Variants in HKDC1 observed in about 807,000 individuals in gnomAD.
The protein encoded by HKDC1 is hexokinase domain containing 1, also known as hexokinase HKDC1.
In HKDC1, 66 loss-of-function variants were observed where a neutral mutation model predicts 96.6. The ratio of observed to expected loss-of-function variants is 0.68; its 90% CI spans 0.56 to 0.84. The LOEUF (loss-of-function observed/expected upper bound fraction) is 0.84. Ranked by LOEUF, HKDC1 falls within the 40% of genes least tolerant of loss-of-function variation. The pLI, the probability that HKDC1 is intolerant of heterozygous loss-of-function variation, is 0.00. For missense variants in HKDC1, 1,211 were observed against 1,208.1 expected (o/e 1.00, Z -0.04); for synonymous variants, 466 against 473.1 (o/e 0.98, Z 0.20).
At chr10:69,242,087 T>A (rs1320900741) in intron 6 of HKDC1, among the ~76,000 whole-genome samples, 1 of 152,210 alleles carries the variant, frequency 6.6e-6, no homozygotes, top group Admixed American at 6.5e-5. Context: ...CCTTTACCAC[T>A]CCTGGGGAAA....
intron 14 of HKDC1, among the ~76,000 whole-genome samples, chr10:69,258,090 G>A (rs1027760679): frequency 1.3e-5 from 2 of 152,160 alleles, no homozygotes; most frequent in Non-Finnish European, 2.9e-5. Flanking sequence ...GCAGCAGGTG[G>A]AACAAGGAGA....
chr10:69,257,459 C>A (rs749506218), intron 14 of HKDC1, 33 bp downstream of exon 14: 15 of 1,443,952 alleles, frequency 1.0e-5, no homozygotes, highest in Non-Finnish European at 9.8e-7. Flanking sequence ...TTGGCCTAAT[C>A]CCACTGTATC....
Position 69,265,830 on chromosome 10 carries a change from CA to C in HKDC1, c.2606+14del, listed in dbSNP as rs759086263. The C allele has an allele frequency of 2.1e-6, 3 of 1,444,160 alleles. No individual in the cohort carries two copies. The African/African-American group carries it at 4.2e-5, about 20-fold the overall frequency. The allele number at this position is 1,444,160 out of a possible 1,614,324, so 89.5% of individuals were successfully genotyped here. ...AAGCTGCACCCTCAGTGAGTGCCCACAAGAGGCGTGGCGGGTGGGGCTGGGG... is the reference window on the plus strand; with the variant it reads ...AAGCTGCACCCTCAGTGAGTGCCCACAGAGGCGTGGCGGGTGGGGCTGGGG... On this transcript the variant is annotated intron_variant, in intron 17 of 17. Transcript: ENST00000354624.
At chr10:69,224,027 A>G (rs1010913437) in intron 1 of HKDC1, among the ~76,000 whole-genome samples, 3 of 150,834 alleles carry the variant, frequency 2.0e-5, no homozygotes, top group Admixed American at 6.6e-5. Flanking sequence ...TGGATAACAT[A>G]GAGAGATCTG....
In HKDC1 at chr10:69,233,108, CCT is replaced by C. The variant is rs1843298706; in HGVS notation, c.471_472del (p.Cys158SerfsTer4). 6.2e-7 allele frequency: 1 copy of C among 1,614,054 alleles called. No homozygotes were observed. Among genetic ancestry groups the C allele is most frequent in the East Asian group, 2.2e-5 (1 of 44,884 alleles). On this transcript the variant is annotated frameshift_variant, in exon 4 of 18. Coordinates refer to ENST00000354624, the MANE Select transcript of HKDC1 (RefSeq NM_025130.4). LOFTEE classifies it high-confidence loss of function. The stretch of plus-strand genomic sequence containing the variant: ...CCCCTTGGCCTAACTTTTTCTTTCC[CCT>C]GTCGACAGACTAAACTGGAAGAGGT...
At chr10:69,241,784 C>A (rs1311183348) in intron 6 of HKDC1, among the ~76,000 whole-genome samples, 2 of 152,138 alleles carry the variant, frequency 1.3e-5, no homozygotes, top group Non-Finnish European at 2.9e-5. Flanking sequence ...CACGCCCGGC[C>A]GGATGTGCAT....
intron 9 of HKDC1, 103 bp downstream of exon 9, chr10:69,247,696 A>C: frequency 2.4e-6 from 2 of 832,720 alleles, no homozygotes; most frequent in Non-Finnish European, 3.8e-6. Context: ...GGAACCAACA[A>C]CCCCTCTTGT....
intron 12 of HKDC1, among the ~76,000 whole-genome samples, chr10:69,252,026 C>T (rs926608810): frequency 1.3e-5 from 2 of 152,170 alleles, no homozygotes; most frequent in Non-Finnish European, 2.9e-5. Flanking sequence ...TCTCATAGTG[C>T]TGGGATTACA....
chr10:69,223,993 G>T (rs1024433867), intron 1 of HKDC1, among the ~76,000 whole-genome samples: 3 of 151,294 alleles, frequency 2.0e-5, no homozygotes, highest in Non-Finnish European at 2.9e-5. Context: ...ATGATCACTT[G>T]CCTCCAGGAG....
intron 12 of HKDC1, among the ~76,000 whole-genome samples, chr10:69,254,550 G>A (rs988734919): frequency 6.6e-6 from 1 of 151,968 alleles, no homozygotes; most frequent in Non-Finnish European, 1.5e-5. Flanking sequence ...CTACTTATTG[G>A]CTGTGTGACC....
At chr10:69,235,977 C>T (rs75312013) in intron 4 of HKDC1, among the ~76,000 whole-genome samples, 2 of 152,124 alleles carry the variant, frequency 1.3e-5, no homozygotes, top group African/African-American at 4.8e-5. Context: ...TGCAGCTCAG[C>T]GAGGTTAAGA....
At chr10:69,231,195 C>G (rs1224853997) in intron 2 of HKDC1, among the ~76,000 whole-genome samples, 1 of 152,166 alleles carries the variant, frequency 6.6e-6, no homozygotes, top group South Asian at 2.1e-4. Flanking sequence ...AGTGCAGCAG[C>G]CTCTTCTTTT....
Position 69,265,590 on chromosome 10 carries a change from G to A in HKDC1, c.2378G>A (p.Arg793Gln), listed in dbSNP as rs939426664. 23 of 1,613,432 alleles carry A rather than the reference G, an allele frequency of 1.4e-5. No individual in the cohort carries two copies. Among genetic ancestry groups the A allele is most frequent in the Middle Eastern group, 1.6e-4 (1 of 6,078 alleles). The change falls in exon 17 of 18, where the codon CGG becomes CAG. Residue 793 changes from arginine (R) to glutamine (Q), a missense_variant. Transcript: ENST00000354624. Reference sequence around the variant, plus strand: ...CCCTGCTCTATTGCCTGCAGCGATCGGCTGGCCCTTCTCCAGGTCAGGAGG... The same window carrying A: ...CCCTGCTCTATTGCCTGCAGCGATCAGCTGGCCCTTCTCCAGGTCAGGAGG... ...TKFLSQIESD[R>Q]LALLQVRRIL...
intron 1 of HKDC1, among the ~76,000 whole-genome samples, chr10:69,225,254 C>G (rs1843136734): frequency 1.3e-5 from 2 of 152,274 alleles, no homozygotes; most frequent in South Asian, 4.1e-4. Context: ...TCAGTAGGTT[C>G]AGGGGCACTG....
intron 1 of HKDC1, among the ~76,000 whole-genome samples, 192 bp downstream of exon 1, chr10:69,220,690 C>A (rs751236368): frequency 5.9e-5 from 9 of 152,154 alleles, no homozygotes; most frequent in Non-Finnish European, 8.8e-5. Flanking sequence ...GCATTACTGT[C>A]CTGAACCTTA....
chr10:69,231,661 G>A (rs756585022), intron 2 of HKDC1, among the ~76,000 whole-genome samples: 2 of 152,048 alleles, frequency 1.3e-5, no homozygotes, highest in East Asian at 1.9e-4. Flanking sequence ...TGATTTATGC[G>A]CCTGTATTTC....
In HKDC1 at chr10:69,247,352, C is replaced by T. The variant is rs1181256839; in HGVS notation, c.1032-8C>T. On this transcript the variant is annotated splice_polypyrimidine_tract_variant and splice_region_variant and intron_variant, in intron 8 of 17. Transcript: ENST00000354624. ...AGTGTCGTTCACTCATTCCTGTCCCCTGGCCAGGTATAAAGAAGGCCTTGC... is the reference window on the plus strand; with the variant it reads ...AGTGTCGTTCACTCATTCCTGTCCCTTGGCCAGGTATAAAGAAGGCCTTGC... The T allele has an allele frequency of 1.9e-6, 3 of 1,596,518 alleles. No homozygotes were observed. In the South Asian group the frequency reaches 3.3e-5, roughly 18 times the overall value.
chr10:69,239,202 G>A, intron 5 of HKDC1, 65 bp downstream of exon 5: 1 of 1,254,200 alleles, frequency 8.0e-7, no homozygotes, highest in South Asian at 1.2e-5. Flanking sequence ...GGGTTGGTGG[G>A]GCTGGGGGTG....
intron 17 of HKDC1, 117 bp from the exon 18 acceptor site, chr10:69,266,493 T>A: frequency 9.0e-7 from 1 of 1,107,424 alleles, no homozygotes; most frequent in Non-Finnish European, 1.3e-6. Context: ...AAGAAGCTGT[T>A]TAGAGCCTTG....
Sources: gnomAD v4.1 joint callset for allele counts (sites outside exome capture counted in the v4.1 genomes callset) on GRCh38, gnomAD v4.1.1 for gene constraint, MANE v1.5 for transcripts, NCBI Gene and HGNC (gene_info 2026-07-23, HGNC 2026-07-21) for gene names.